TEX14: variants seen among roughly 807,000 people sequenced by gnomAD.
TEX14 encodes inactive serine/threonine-protein kinase TEX14.
A neutral mutation model predicts 178.6 loss-of-function variants in TEX14; 168 were observed. The observed-to-expected ratio is 0.94, with a 90% confidence interval of 0.83 to 1.07. The LOEUF (loss-of-function observed/expected upper bound fraction) is 1.07, where lower values mean the gene tolerates loss of function less well. Among genes scored for constraint, TEX14 ranks in the 50% least tolerant of loss-of-function variants. TEX14 has a pLI of 0.00. For synonymous variants in TEX14, 626 were observed against 634.1 expected, an observed-to-expected ratio of 0.99 and a Z score of 0.19; for missense variants, 1,730 against 1,753.6, an observed-to-expected ratio of 0.99 and a Z score of 0.24.
In TEX14 at chr17:58,573,163, T is replaced by A; in HGVS notation, c.3511+18A>T. The A allele has an allele frequency of 6.2e-7, 1 of 1,613,430 alleles. No homozygotes were observed. The highest frequency in any genetic ancestry group is 8.5e-7 in the Non-Finnish European group (1 of 1,179,550). ...CTGTAAGTCCTTCTCCCCAAACACTTCTCTTCCCTGTGATTACCTGGGCTG... is the reference window on the plus strand; with the variant it reads ...CTGTAAGTCCTTCTCCCCAAACACTACTCTTCCCTGTGATTACCTGGGCTG... On this transcript the variant is annotated intron_variant, in intron 23 of 31. Transcript: ENST00000349033.
At chr17:58,648,134 A>G (rs571533325) in intron 2 of TEX14, 1 of 152,356 alleles carries the variant, frequency 6.6e-6, no homozygotes, top group East Asian at 1.9e-4. Flanking sequence ...GGGAGAACCA[A>G]TAAGACAAAA....
chr17:58,563,811 GACAC>G (rs113071230), intron 28 of TEX14, among the ~76,000 whole-genome samples: 26,895 of 138,004 alleles, frequency 0.19, 2,605 homozygotes, highest in Non-Finnish European at 0.22. Context: ...CACACACACA[GACAC>G]ACACACACAC....
chr17:58,648,471 G>A (rs578110108), intron 2 of TEX14, among the ~76,000 whole-genome samples: 1 of 152,292 alleles, frequency 6.6e-6, no homozygotes, highest in Admixed American at 6.5e-5. Flanking sequence ...ACCAACTGGT[G>A]CAAGTGTGAC....
intron 6 of TEX14, 95 bp downstream of exon 6, chr17:58,617,443 G>T: frequency 1.2e-6 from 1 of 858,904 alleles, no homozygotes; most frequent in Admixed American, 2.0e-5. Context: ...CTTTGGTGAG[G>T]ATAAGGAGGC....
intron 1 of TEX14, among the ~76,000 whole-genome samples, chr17:58,659,165 A>G (rs1433286797): frequency 6.6e-6 from 1 of 151,326 alleles, no homozygotes. Context: ...AAAGCGCAAA[A>G]GCAGTCCCCC....
In TEX14 at chr17:58,587,630, A is replaced by G; in HGVS notation, c.2739T>C (p.Asn913=). Residue 913 remains asparagine (N), a synonymous_variant, in exon 17 of 32, where the codon AAT becomes AAC. Transcript: ENST00000349033. The part of the protein sequence containing the change: ...SVEPVSSEIY[N]AESRNKDDGK... ...CATCATCTTTATTTCTGGACTCTGC[A>G]TTATAGATTTCAGAAGAAACAGGTT... The G allele has an allele frequency of 6.2e-7, 1 of 1,608,268 alleles. No homozygotes were observed. The highest frequency in any genetic ancestry group is 8.5e-7 in the Non-Finnish European group (1 of 1,178,138).
intron 19 of TEX14, among the ~76,000 whole-genome samples, chr17:58,581,260 G>A (rs1335509368): frequency 2.0e-5 from 3 of 149,926 alleles, no homozygotes; most frequent in Non-Finnish European, 4.4e-5. Context: ...GCGGTGAGCC[G>A]AGATCACACC....
intron 2 of TEX14, 145 bp from the exon 3 acceptor site, chr17:58,630,699 C>T (rs1567746733): frequency 1.7e-6 from 1 of 593,368 alleles, no homozygotes. Flanking sequence ...CAAAGAAGGT[C>T]TTCATTAGTA....
chr17:58,625,737 CATTT>C (rs1472665281), intron 3 of TEX14, among the ~76,000 whole-genome samples: 2 of 152,008 alleles, frequency 1.3e-5, no homozygotes, highest in Non-Finnish European at 2.9e-5. Context: ...TGGGAGCTTT[CATTT>C]ATTTGTTTAT....
intron 24 of TEX14, among the ~76,000 whole-genome samples, chr17:58,571,129 A>T (rs527262380): frequency 6.6e-6 from 1 of 152,194 alleles, no homozygotes; most frequent in African/African-American, 2.4e-5. Flanking sequence ...AAATGAACAC[A>T]TAAAATTCCT....
intron 9 of TEX14, among the ~76,000 whole-genome samples, chr17:58,612,208 G>A (rs1470817507): frequency 6.6e-6 from 1 of 152,134 alleles, no homozygotes; most frequent in African/African-American, 2.4e-5. Context: ...GAAAATGTAG[G>A]AAAATAAAGC....
chr17:58,689,992 G>A (rs1204921215), intron 1 of TEX14, among the ~76,000 whole-genome samples: 1 of 151,682 alleles, frequency 6.6e-6, no homozygotes, highest in African/African-American at 2.4e-5. Flanking sequence ...TGGGACTACA[G>A]GCGCCCACCA....
At chr17:58,620,682 C>T (rs1003693062) in intron 5 of TEX14, among the ~76,000 whole-genome samples, 5 of 151,880 alleles carry the variant, frequency 3.3e-5, no homozygotes, top group Admixed American at 6.6e-5. Flanking sequence ...TTAGTAGAGA[C>T]GGGGGTTTCA....
chr17:58,565,822 GCT>G lies in TEX14; in HGVS notation c.3887_3888del (p.Glu1296AlafsTer14), dbSNP rs749315937. The G allele has an allele frequency of 3.1e-6, 5 of 1,604,460 alleles. No homozygotes were observed. The South Asian group carries it at 5.6e-5, about 18-fold the overall frequency. ...PPSQELLDDIELLKQQQGSST... is the reference protein window; with the variant it reads ...PPSQELLDDIXLLKQQQGSST... ...GATGAGCCCTGCTGCTGTTTCAAGA[GCT>G]CTGTCACAACACAAAAGCCAAAGGA... On this transcript the variant is annotated frameshift_variant and splice_region_variant, in exon 27 of 32. Coordinates refer to ENST00000349033, the MANE Select transcript of TEX14 (RefSeq NM_031272.5). LOFTEE classifies it high-confidence loss of function.
intron 28 of TEX14, chr17:58,564,053 T>C (rs2044346998): frequency 6.6e-6 from 1 of 152,076 alleles, no homozygotes; most frequent in Non-Finnish European, 1.5e-5. Flanking sequence ...GGCAAGGATG[T>C]GGAGAAACTG....
At chr17:58,665,647 A>C (rs1358919256) in intron 1 of TEX14, among the ~76,000 whole-genome samples, 1 of 152,004 alleles carries the variant, frequency 6.6e-6, no homozygotes, top group East Asian at 1.9e-4. Flanking sequence ...TACCTCACTA[A>C]AGTTCCTAAG....
chr17:58,600,298 T>C (rs538921822), intron 13 of TEX14, among the ~76,000 whole-genome samples: 15 of 152,008 alleles, frequency 9.9e-5, no homozygotes, highest in Non-Finnish European at 2.1e-4. Context: ...CCAGGGCGGG[T>C]GGATCACTTG....
chr17:58,632,889 T>C (rs1023768383), intron 2 of TEX14, among the ~76,000 whole-genome samples: 5 of 152,164 alleles, frequency 3.3e-5, no homozygotes, highest in African/African-American at 1.2e-4. Flanking sequence ...ACTTGGATGC[T>C]AGGAGATAAA....
chr17:58,620,738 A>G (rs955488286), intron 5 of TEX14, among the ~76,000 whole-genome samples: 3 of 151,964 alleles, frequency 2.0e-5, no homozygotes, highest in South Asian at 2.1e-4. Flanking sequence ...CAGGTGATCC[A>G]CCCACCTCAA....
Sources: allele counts gnomAD v4.1 joint callset (sites outside exome capture counted in the v4.1 genomes callset), GRCh38; gene constraint gnomAD v4.1.1; transcripts MANE v1.5; gene names NCBI Gene and HGNC (gene_info 2026-07-23, HGNC 2026-07-21).